Variants in MAP2K6 observed in about 807,000 individuals in gnomAD.
The protein encoded by MAP2K6 is dual specificity mitogen-activated protein kinase kinase 6.
Under a neutral mutation model 53.7 loss-of-function variants are expected in MAP2K6, and 16 were observed. The ratio of observed to expected loss-of-function variants is 0.30; its 90% CI spans 0.20 to 0.45. The LOEUF is 0.45. Ranked by LOEUF, MAP2K6 falls within the 20% of genes least tolerant of loss-of-function variation. The probability of loss-of-function intolerance (pLI) is 1.00; values close to 1 mark genes in which losing one functional copy is unlikely to be tolerated. For missense variants in MAP2K6, 204 were observed against 411.9 expected, an observed-to-expected ratio of 0.50 and a Z score of 4.37; for synonymous variants, 132 against 143.1, an observed-to-expected ratio of 0.92 and a Z score of 0.55.
At chr17:69,503,880 CTG>C (rs936626705) in intron 1 of MAP2K6, among the ~76,000 whole-genome samples, 9 of 152,156 alleles carry the variant, frequency 5.9e-5, no homozygotes, top group African/African-American at 2.2e-4. Context: ...ATTGAGAAAA[CTG>C]AGAGTCAGAT....
intron 1 of MAP2K6, among the ~76,000 whole-genome samples, chr17:69,490,380 C>T (rs1908694601): frequency 6.6e-6 from 1 of 152,060 alleles, no homozygotes; most frequent in South Asian, 2.1e-4. Flanking sequence ...TTCTTGAGTC[C>T]AGGGATTAGC....
At chr17:69,457,973 AAC>A (rs555686990) in intron 1 of MAP2K6, among the ~76,000 whole-genome samples, 20 of 152,092 alleles carry the variant, frequency 1.3e-4, no homozygotes, top group Middle Eastern at 3.2e-3. Flanking sequence ...TACTACCTAT[AAC>A]ACAATACCTT....
At position 69,543,087 on chromosome 17, in the gene MAP2K6, G is replaced by C. The variant is rs2072074; in HGVS notation, c.*1334G>C. 0.2 allele frequency: 31,094 copies of C among 152,002 alleles called. 3,714 individuals are homozygous for C. Among genetic ancestry groups the C allele is most frequent in the African/African-American group, 0.33 (13,659 of 41,396 alleles). 9.4% of individuals were successfully genotyped at this position (152,002 alleles called of 1,614,324 possible). On this transcript the variant is annotated 3_prime_UTR_variant, in exon 12 of 12. Coordinates refer to ENST00000590474, the MANE Select transcript of MAP2K6 (RefSeq NM_002758.4). The stretch of plus-strand genomic sequence containing the variant: ...AAACAGCAAAAGTTCTTTCTCGTGG[G>C]TAAATATACCCACAGGTTCTATGAT...
chr17:69,442,934 A>C (rs1294636698), intron 1 of MAP2K6, among the ~76,000 whole-genome samples: 1 of 152,204 alleles, frequency 6.6e-6, no homozygotes, highest in African/African-American at 2.4e-5. Flanking sequence ...AGATTCAATA[A>C]TTATAGCTCT....
rs1336402124 is a variant in MAP2K6, at chr17:69,542,662, G to A, written c.*909G>A. On this transcript the variant is annotated 3_prime_UTR_variant, in exon 12 of 12. Coordinates refer to ENST00000590474, the MANE Select transcript of MAP2K6 (RefSeq NM_002758.4). ...AAGTCCTGCCAAGTGGTTTCTATGA[G>A]CATCTCTGTTTGGTAAGGAGGACAA... 6.6e-6 allele frequency: 1 copy of A among 152,160 alleles called. No individual in the cohort carries two copies. Among genetic ancestry groups the A allele is most frequent in the African/African-American group, 2.4e-5 (1 of 41,424 alleles). 9.4% of individuals were successfully genotyped at this position (152,160 alleles called of 1,614,324 possible). A position where few individuals can be genotyped will look rare whatever the true frequency, so the allele number is the denominator to read the frequency against.
intron 1 of MAP2K6, among the ~76,000 whole-genome samples, chr17:69,427,655 T>C (rs1466212938): frequency 6.6e-6 from 1 of 152,160 alleles, no homozygotes; most frequent in East Asian, 1.9e-4. Flanking sequence ...GAGTCACCCC[T>C]CCTCAGATTC....
chr17:69,552,355 G>A lies in MAP2K6; in HGVS notation c.*10602G>A, dbSNP rs1486488205. Reference sequence around the variant, plus strand: ...AGCACTTCAAAGTAGTGTCTCTGGAGAGTTTAAAATAAAAGAATGAATGCT... The same window carrying A: ...AGCACTTCAAAGTAGTGTCTCTGGAAAGTTTAAAATAAAAGAATGAATGCT... On this transcript the variant is annotated 3_prime_UTR_variant, in exon 12 of 12. Coordinates refer to ENST00000590474, the MANE Select transcript of MAP2K6 (RefSeq NM_002758.4). The A allele has an allele frequency of 6.6e-6, 1 of 152,216 alleles. No homozygotes were observed. The highest frequency in any genetic ancestry group is 6.5e-5 in the Admixed American group (1 of 15,286). The allele number at this position is 152,216 out of a possible 1,614,324, so 9.4% of individuals were successfully genotyped here. A position where few individuals can be genotyped will look rare whatever the true frequency, so the allele number is the denominator to read the frequency against.
rs117668525 is a variant in MAP2K6 at position 69,415,139 on chromosome 17, A to G, written c.16+139A>G. On this transcript the variant is annotated intron_variant, in intron 1 of 11. Transcript: ENST00000590474. The stretch of plus-strand genomic sequence containing the variant: ...AGCTCAGTTGCATTTCCTGTTTAGT[A>G]TGTGTCTTTTTTTGCAGACACAGAG... The G allele has an allele frequency of 3.8e-4, 294 of 773,292 alleles. 3 individuals carry two copies. The East Asian group carries it at 7.2e-3, about 19-fold the overall frequency. The allele number at this position is 773,292 out of a possible 1,614,324, so 47.9% of individuals were successfully genotyped here.
intron 1 of MAP2K6, among the ~76,000 whole-genome samples, chr17:69,487,103 T>C (rs1231568851): frequency 6.6e-6 from 1 of 152,160 alleles, no homozygotes; most frequent in African/African-American, 2.4e-5. Flanking sequence ...GACATGTGAG[T>C]AGAAAGCCTG....
chr17:69,488,136 T>G (rs1176198755), intron 1 of MAP2K6, among the ~76,000 whole-genome samples: 1 of 152,062 alleles, frequency 6.6e-6, no homozygotes, highest in African/African-American at 2.4e-5. Flanking sequence ...CATTAAAAAG[T>G]GGGCAAAAGA....
At chr17:69,426,476 C>T (rs1164749293) in intron 1 of MAP2K6, among the ~76,000 whole-genome samples, 1 of 152,200 alleles carries the variant, frequency 6.6e-6, no homozygotes, top group Non-Finnish European at 1.5e-5. Flanking sequence ...ATAGTACTCT[C>T]TCTATAAACA....
At chr17:69,422,120 C>G (rs539046365) in intron 1 of MAP2K6, among the ~76,000 whole-genome samples, 1 of 140,546 alleles carries the variant, frequency 7.1e-6, no homozygotes, top group African/African-American at 2.6e-5. Context: ...CAGAAATCAT[C>G]GTAATTTTTT....
At chr17:69,451,611 C>T (rs1280513834) in intron 1 of MAP2K6, among the ~76,000 whole-genome samples, 1 of 152,100 alleles carries the variant, frequency 6.6e-6, no homozygotes. Flanking sequence ...TGAGGGGACG[C>T]TAACAAAGCA....
intron 1 of MAP2K6, among the ~76,000 whole-genome samples, chr17:69,481,746 T>G (rs1247286177): frequency 6.6e-6 from 1 of 152,156 alleles, no homozygotes; most frequent in Non-Finnish European, 1.5e-5. Flanking sequence ...CCATTCATAT[T>G]AGATGAGAAC....
At chr17:69,444,466 A>G (rs1906911031) in intron 1 of MAP2K6, among the ~76,000 whole-genome samples, 1 of 152,228 alleles carries the variant, frequency 6.6e-6, no homozygotes, top group African/African-American at 2.4e-5. Flanking sequence ...AACTAGAATC[A>G]GAAGCAATCC....
intron 1 of MAP2K6, among the ~76,000 whole-genome samples, chr17:69,462,683 C>T (rs1047055984): frequency 1.2e-4 from 18 of 152,154 alleles, no homozygotes; most frequent in African/African-American, 2.4e-4. Flanking sequence ...TTTCACACTC[C>T]GGGCGTCAGC....
At chr17:69,504,464 A>G (rs1006643303) in intron 1 of MAP2K6, 1 of 151,966 alleles carries the variant, frequency 6.6e-6, no homozygotes, top group Non-Finnish European at 1.5e-5. Context: ...TTTAGTAGAG[A>G]CAGGATTTCA....
rs1330381032 is a variant in MAP2K6 at position 69,550,225 on chromosome 17, A to C, written c.*8472A>C. On this transcript the variant is annotated 3_prime_UTR_variant, in exon 12 of 12. Transcript: ENST00000590474. The stretch of plus-strand genomic sequence containing the variant: ...ATGGCTGAACAAAAGTAAATGATTA[A>C]CGGGAAATTTGATGGTTGAGAAAAA... 6.6e-6 allele frequency: 1 copy of C among 152,242 alleles called. No homozygotes were observed. The highest frequency in any genetic ancestry group is 1.9e-4 in the East Asian group (1 of 5,206). 9.4% of individuals were successfully genotyped at this position (152,242 alleles called of 1,614,324 possible). A position where few individuals can be genotyped will look rare whatever the true frequency, so the allele number is the denominator to read the frequency against.
rs1218335359 is a variant in MAP2K6 at position 69,423,628 on chromosome 17, G to A, written c.16+8628G>A. ...AGAGACCTCTTGGGCCCAGCCCACA[G>A]GAAACGTCTGAGTGGTGTCTCTCCT... is the stretch of plus-strand genomic sequence containing the variant. On this transcript the variant is annotated intron_variant, in intron 1 of 11. Coordinates refer to ENST00000590474, the MANE Select transcript of MAP2K6 (RefSeq NM_002758.4). Among the ~76,000 whole-genome samples the A allele has an allele frequency of 2.0e-5, 3 of 152,210 alleles. No individual in the cohort carries two copies. In the East Asian group the frequency reaches 5.8e-4, roughly 29 times the overall value.
Sources: allele counts gnomAD v4.1 joint callset (sites outside exome capture counted in the v4.1 genomes callset), GRCh38; gene constraint gnomAD v4.1.1; transcripts MANE v1.5; gene names NCBI Gene and HGNC (gene_info 2026-07-23, HGNC 2026-07-21).